The following SLC30A10 variants were observed in gnomAD, a reference collection of about 807,000 sequenced individuals.
The protein encoded by SLC30A10 is solute carrier family 30 member 10.
Under a neutral mutation model 21.7 loss-of-function variants are expected in SLC30A10, and 8 were observed. The ratio of observed to expected loss-of-function variants is 0.37; its 90% confidence interval spans 0.22 to 0.67. The LOEUF is 0.67. Among genes scored for constraint, SLC30A10 ranks in the 30% least tolerant of loss-of-function variants. SLC30A10 has a pLI of 0.58. For synonymous variants in SLC30A10, 272 were observed against 279.4 expected, an observed-to-expected ratio of 0.97 and a Z score of 0.26; for missense variants, 521 against 642.5, an observed-to-expected ratio of 0.81 and a Z score of 2.04.
In SLC30A10 at chr1:219,927,820, G is replaced by C. The variant is rs1162468882; in HGVS notation, c.621C>G (p.Thr207=). ...SVERKREKGA[T]VFANVAGDSF... ...AGGCACCTGCTACGTTTGCGAACAC[G>C]GTCGCCCCCTTCTCCCGCTTCCTTT... The change falls in exon 1 of 4, where the codon ACC becomes ACG. Residue 207 remains threonine, a synonymous_variant. Transcript: ENST00000366926. 1 of 1,546,634 alleles carries C rather than the reference G, an allele frequency of 6.5e-7. No individual in the cohort carries two copies. Among genetic ancestry groups the C allele is most frequent in the Non-Finnish European group, 8.7e-7 (1 of 1,146,730 alleles).
upstream of SLC30A10, among the ~76,000 whole-genome samples, chr1:219,930,739 T>C (rs1659959110): frequency 6.6e-6 from 1 of 152,170 alleles, no homozygotes; most frequent in South Asian, 2.1e-4. Context: ...AACATAAAAA[T>C]AATCAATAAT....
intron 1 of SLC30A10, among the ~76,000 whole-genome samples, chr1:219,948,436 AGAGCCC>A (rs1229583825): frequency 3.9e-5 from 6 of 152,316 alleles, no homozygotes; most frequent in African/African-American, 9.6e-5. Context: ...GGAACAGAAC[AGAGCCC>A]TCAGAAATAA....
intron 1 of SLC30A10, among the ~76,000 whole-genome samples, chr1:219,937,002 T>G (rs1660053993): frequency 3.9e-5 from 6 of 152,248 alleles, no homozygotes; most frequent in Admixed American, 3.3e-4. Context: ...TTTGGTTGAC[T>G]GGATTTCATC....
intron 1 of SLC30A10, among the ~76,000 whole-genome samples, chr1:219,941,875 C>T (rs1298661432): frequency 6.6e-6 from 1 of 152,168 alleles, no homozygotes; most frequent in Non-Finnish European, 1.5e-5. Context: ...ATGTGTTTAC[C>T]AGATAGGAAA....
At chr1:219,958,901 C>T (rs917503100), upstream of SLC30A10, among the ~76,000 whole-genome samples, 4 of 152,192 alleles carry the variant, frequency 2.6e-5, no homozygotes, top group Admixed American at 1.3e-4. Context: ...GCAAAAGCAT[C>T]GGAGGCCAAG....
chr1:219,933,596 A>G (rs1660000328), upstream of SLC30A10, among the ~76,000 whole-genome samples: 1 of 152,180 alleles, frequency 6.6e-6, no homozygotes, highest in South Asian at 2.1e-4. Context: ...CATGAGACTT[A>G]AGTGGGAAAA....
rs753643299 is a variant in SLC30A10, at chr1:219,927,034, T to C, written c.712A>G (p.Ile238Val). Residue 238 changes from isoleucine (I) to valine (V), a missense_variant, in exon 2 of 4, where the codon ATC (isoleucine) becomes GTC (valine). Physicochemically the swap from Ile to Val is conservative, Grantham distance 29. Transcript: ENST00000366926. ...GGCCCAAAGTCAATCCTACCTCTGA[T>C]ATTCAGAGCTTCAGACTTTTTCTCT... is the stretch of plus-strand genomic sequence containing the variant. ...KKEKKSEALN[I>V]RGVLLHVMGD... 6.2e-7 allele frequency: 1 copy of C among 1,610,614 alleles called. No homozygotes were observed. The highest frequency in any genetic ancestry group is 8.5e-7 in the Non-Finnish European group (1 of 1,176,880).
rs1263339271 is a variant in SLC30A10, at chr1:219,927,989, C to A, written c.452G>T (p.Arg151Leu). Residue 151 changes from arginine to leucine, a missense_variant, in exon 1 of 4, where the codon CGC becomes CTC. Coordinates refer to ENST00000366926, the MANE Select transcript of SLC30A10 (RefSeq NM_018713.3). ...FACCLRGRSRRLQQRQQLAEG... is the reference protein window; with the variant it reads ...FACCLRGRSRLLQQRQQLAEG... ...CGCCAGCTGCTGCCGCTGCTGCAGG[C>A]GGCGACTGCGTCCCCGGAGGCAGCA... 1.3e-6 allele frequency: 2 copies of A among 1,552,912 alleles called. No homozygotes were observed. The highest frequency in any genetic ancestry group is 2.5e-5 in the East Asian group (1 of 40,724).
intron 1 of SLC30A10, among the ~76,000 whole-genome samples, chr1:219,940,097 C>T (rs1660101172): frequency 6.6e-6 from 1 of 152,224 alleles, no homozygotes; most frequent in African/African-American, 2.4e-5. Context: ...TCCATCTTGT[C>T]ACTTGCTTGC....
At chr1:219,923,600 A>C (rs1659747552) in intron 2 of SLC30A10, among the ~76,000 whole-genome samples, 2 of 152,242 alleles carry the variant, frequency 1.3e-5, no homozygotes, top group Non-Finnish European at 2.9e-5. Context: ...TTTACACCAA[A>C]CTTTAAAAAG....
Position 219,954,023 on chromosome 1 carries a change from C to T in SLC30A10, n.80+4545G>A, listed in dbSNP as rs80156087. 7.6e-3 allele frequency among the ~76,000 whole-genome samples: 1,150 copies of T among 152,044 alleles called. 12 individuals are homozygous for T. The highest frequency in any genetic ancestry group is 0.026 in the African/African-American group (1,094 of 41,500). On this transcript the variant is annotated intron_variant and non_coding_transcript_variant, in intron 1 of 8. Coordinates refer to the SLC30A10 transcript ENST00000484239. The stretch of plus-strand genomic sequence containing the variant: ...GCCCGGCCTCAAATTTTATTTACTC[C>T]ATAGTATTTGCTACTGGTAGAGAGA...
Position 219,912,712 on chromosome 1 carries a change from T to C in SLC30A10, c.*2737A>G, listed in dbSNP as rs764035346. On this transcript the variant is annotated 3_prime_UTR_variant, in exon 4 of 4. Transcript: ENST00000366926. ...AGCCGGGCATGGTGGCGAGCACCTG[T>C]AATCCCAGCTACTCGGGAGGCTGAG... is the stretch of plus-strand genomic sequence containing the variant. Among the ~76,000 whole-genome samples, 25 of 134,662 alleles carry C rather than the reference T, an allele frequency of 1.9e-4. No homozygotes were observed. The highest frequency in any genetic ancestry group is 3.8e-4 in the Non-Finnish European group (22 of 57,522). 88.3% of individuals were successfully genotyped at this position (134,662 alleles called of 152,430 possible). A position where few individuals can be genotyped will look rare whatever the true frequency, so the allele number is the denominator to read the frequency against.
At chr1:219,951,293 A>C (rs1455485575) in intron 1 of SLC30A10, among the ~76,000 whole-genome samples, 2 of 151,636 alleles carry the variant, frequency 1.3e-5, no homozygotes, top group African/African-American at 4.8e-5. Context: ...GTGTAATGAT[A>C]CCTAAGATGA....
At chr1:219,921,329 CTG>C (rs1239849588) in intron 2 of SLC30A10, among the ~76,000 whole-genome samples, 1 of 152,086 alleles carries the variant, frequency 6.6e-6, no homozygotes, top group East Asian at 1.9e-4. Flanking sequence ...AATGAGGAAA[CTG>C]AGGCACAGAA....
At chr1:219,955,390 C>T (rs1466748198) in intron 1 of SLC30A10, among the ~76,000 whole-genome samples, 2 of 152,276 alleles carry the variant, frequency 1.3e-5, no homozygotes, top group East Asian at 1.9e-4. Flanking sequence ...GACCTCCCAC[C>T]GGCTAGATCT....
chr1:219,959,049 C>G (rs1298831947), upstream of SLC30A10, among the ~76,000 whole-genome samples: 1 of 152,218 alleles, frequency 6.6e-6, no homozygotes, highest in Admixed American at 6.5e-5. Flanking sequence ...GTTCCTCTCC[C>G]TTTCTTGGGA....
chr1:219,931,042 A>G (rs1359831865), upstream of SLC30A10, among the ~76,000 whole-genome samples: 1 of 152,248 alleles, frequency 6.6e-6, no homozygotes, highest in East Asian at 1.9e-4. Flanking sequence ...CAAACTGTAA[A>G]GCTTCTGAAA....
At chr1:219,931,211 T>G (rs1003200900), upstream of SLC30A10, among the ~76,000 whole-genome samples, 1 of 152,214 alleles carries the variant, frequency 6.6e-6, no homozygotes, top group African/African-American at 2.4e-5. Flanking sequence ...TGGAGCAAAT[T>G]GCCCAATTAT....
chr1:219,920,380 C>G (rs566680286), intron 2 of SLC30A10, among the ~76,000 whole-genome samples: 1 of 152,212 alleles, frequency 6.6e-6, no homozygotes, highest in Admixed American at 6.5e-5. Flanking sequence ...AATATGAAAG[C>G]CTAATATCTC....
Sources: gnomAD v4.1 joint callset for allele counts (sites outside exome capture counted in the v4.1 genomes callset) on GRCh38, gnomAD v4.1.1 for gene constraint, MANE v1.5 for transcripts, NCBI Gene and HGNC (gene_info 2026-07-23, HGNC 2026-07-21) for gene names.